NTNG1: variants seen among roughly 807,000 people sequenced by gnomAD.
NTNG1 encodes the protein netrin G1.
Under a neutral mutation model 54.0 loss-of-function variants are expected in NTNG1, and 16 were observed. That is an observed-to-expected ratio of 0.30 (90% CI 0.20 to 0.45). The LOEUF (loss-of-function observed/expected upper bound fraction) is 0.45. NTNG1 is among the 20% of genes least tolerant of loss of function. The pLI is 1.00. For synonymous variants in NTNG1, 255 were observed against 263.1 expected, an observed-to-expected ratio of 0.97 and a Z score of 0.30; for missense variants, 530 against 678.7, an observed-to-expected ratio of 0.78 and a Z score of 2.43.
chr1:107,226,481 A>C (rs576594833), intron 2 of NTNG1, among the ~76,000 whole-genome samples: 1 of 152,148 alleles, frequency 6.6e-6, no homozygotes, highest in South Asian at 2.1e-4. Context: ...ATGTAGGTTC[A>C]TATGCCTCCA....
intron 7 of NTNG1, among the ~76,000 whole-genome samples, chr1:107,455,330 C>T (rs1676883265): frequency 6.6e-6 from 1 of 152,218 alleles, no homozygotes; most frequent in Non-Finnish European, 1.5e-5. Context: ...TCCCAAAGTG[C>T]TGGGATTACA....
intron 5 of NTNG1, among the ~76,000 whole-genome samples, chr1:107,415,181 A>C (rs1674112943): frequency 6.6e-6 from 1 of 152,092 alleles, no homozygotes; most frequent in South Asian, 2.1e-4. Flanking sequence ...TTTCCATAAA[A>C]AGCTATTCTT....
chr1:107,177,015 AAAT>A (rs1188881832), intron 2 of NTNG1, among the ~76,000 whole-genome samples: 1 of 152,114 alleles, frequency 6.6e-6, no homozygotes, highest in Non-Finnish European at 1.5e-5. Context: ...CTGAGGAGCA[AAAT>A]TGCCCCAGTT....
At chr1:107,248,519 C>T (rs138222462) in intron 2 of NTNG1, among the ~76,000 whole-genome samples, 16 of 152,290 alleles carry the variant, frequency 1.1e-4, no homozygotes, top group African/African-American at 3.6e-4. Context: ...ACCTAGCGTA[C>T]TTTCACTACC....
At chr1:107,358,086 A>G (rs905872175) in intron 3 of NTNG1, among the ~76,000 whole-genome samples, 3 of 152,174 alleles carry the variant, frequency 2.0e-5, no homozygotes, top group Non-Finnish European at 2.9e-5. Context: ...TTTTATTGTG[A>G]CTCTAAACAC....
At chr1:107,467,876 C>T (rs1677707685) in intron 7 of NTNG1, among the ~76,000 whole-genome samples, 2 of 152,204 alleles carry the variant, frequency 1.3e-5, no homozygotes, top group East Asian at 1.9e-4. Context: ...ATCAGGCATC[C>T]CTAAATGGCT....
At chr1:107,178,769 G>T (rs555149782) in intron 2 of NTNG1, among the ~76,000 whole-genome samples, 7 of 152,124 alleles carry the variant, frequency 4.6e-5, no homozygotes, top group Non-Finnish European at 1.0e-4. Context: ...GTGACATATT[G>T]TTCTCTTGCA....
chr1:107,468,793 T>C (rs1677767148), intron 7 of NTNG1, among the ~76,000 whole-genome samples: 2 of 152,230 alleles, frequency 1.3e-5, no homozygotes, highest in African/African-American at 4.8e-5. Flanking sequence ...TAATACATTT[T>C]GCTTAATGAA....
chr1:107,169,899 G>A (rs982944321), intron 2 of NTNG1, among the ~76,000 whole-genome samples: 3 of 152,196 alleles, frequency 2.0e-5, no homozygotes, highest in Non-Finnish European at 4.4e-5. Context: ...CAGGCTGTAA[G>A]AAAGGGGAGT....
At chr1:107,247,183 A>G (rs139749764) in intron 2 of NTNG1, among the ~76,000 whole-genome samples, 80 of 152,350 alleles carry the variant, frequency 5.3e-4, no homozygotes, top group African/African-American at 1.8e-3. Context: ...TTTCCTGAAT[A>G]CTAAGTGGGA....
intron 2 of NTNG1, among the ~76,000 whole-genome samples, chr1:107,207,632 T>C (rs1659293120): frequency 6.6e-6 from 1 of 152,224 alleles, no homozygotes; most frequent in Non-Finnish European, 1.5e-5. Context: ...TGTTGTTTTC[T>C]TGTTTTCATC....
At chr1:107,431,525 A>T (rs944820567) in intron 6 of NTNG1, among the ~76,000 whole-genome samples, 4 of 152,100 alleles carry the variant, frequency 2.6e-5, no homozygotes, top group African/African-American at 7.2e-5. Context: ...CTAGGCAACT[A>T]ATTATCTTAG....
intron 3 of NTNG1, among the ~76,000 whole-genome samples, chr1:107,369,957 T>C (rs1670819261): frequency 6.6e-6 from 1 of 152,136 alleles, no homozygotes; most frequent in Non-Finnish European, 1.5e-5. Flanking sequence ...ATCTAATTGT[T>C]TTAACAGCAT....
intron 2 of NTNG1, among the ~76,000 whole-genome samples, chr1:107,164,125 A>G (rs1655598203): frequency 6.6e-6 from 1 of 152,230 alleles, no homozygotes; most frequent in African/African-American, 2.4e-5. Flanking sequence ...TTGCATTATC[A>G]AGGTGACTGT....
At chr1:107,305,932 A>G (rs1189421346) in intron 2 of NTNG1, among the ~76,000 whole-genome samples, 2 of 152,060 alleles carry the variant, frequency 1.3e-5, no homozygotes, top group Admixed American at 1.3e-4. Flanking sequence ...TTATTAATTA[A>G]TTTACTTAAC....
chr1:107,468,521 A>G (rs1032069783), intron 7 of NTNG1, among the ~76,000 whole-genome samples: 4 of 152,196 alleles, frequency 2.6e-5, no homozygotes, highest in Non-Finnish European at 4.4e-5. Flanking sequence ...GGTTGGAAAG[A>G]TTGTCTTTCA....
chr1:107,403,947 TTTCCTTCC>T (rs1468847066), intron 4 of NTNG1, among the ~76,000 whole-genome samples: 2 of 151,926 alleles, frequency 1.3e-5, no homozygotes, highest in Non-Finnish European at 2.9e-5. Flanking sequence ...ATCTAGTATC[TTTCCTTCC>T]TTCCGTTCTT....
intron 7 of NTNG1, among the ~76,000 whole-genome samples, chr1:107,463,698 G>A (rs755885063): frequency 9.2e-5 from 14 of 152,044 alleles, no homozygotes; most frequent in South Asian, 2.1e-4. Context: ...AAATGTACTT[G>A]TGGCTTGCAA....
intron 2 of NTNG1, among the ~76,000 whole-genome samples, chr1:107,218,513 T>G (rs541193362): frequency 3.9e-4 from 59 of 152,280 alleles, no homozygotes; most frequent in African/African-American, 1.3e-3. Context: ...CCTGAAAACC[T>G]TGGTTTATTT....
Sources: gnomAD v4.1 joint callset for allele counts (sites outside exome capture counted in the v4.1 genomes callset) on GRCh38, gnomAD v4.1.1 for gene constraint, MANE v1.5 for transcripts, NCBI Gene and HGNC (gene_info 2026-07-23, HGNC 2026-07-21) for gene names.